Variants in TMEM240 observed in about 807,000 individuals in gnomAD.
TMEM240 encodes transmembrane protein C1orf70.
A neutral mutation model predicts 19.5 loss-of-function variants in TMEM240; 3 were observed. The observed-to-expected ratio is 0.15, with a 90% CI of 0.07 to 0.40. TMEM240 has a LOEUF of 0.40. TMEM240 is among the 10% of genes least tolerant of loss of function. TMEM240 has a pLI of 1.00. For missense variants in TMEM240, 210 were observed against 253.5 expected (o/e 0.83, Z 1.17); for synonymous variants, 123 against 109.3 (o/e 1.13, Z -0.78).
intron 2 of TMEM240, among the ~76,000 whole-genome samples, chr1:1,537,545 G>A (rs1203867288): frequency 6.6e-6 from 1 of 152,102 alleles, no homozygotes; most frequent in African/African-American, 2.4e-5. Flanking sequence ...CCTGCACCTG[G>A]CCCTCCTTCC....
At position 1,539,724 on chromosome 1, in the gene TMEM240, G is replaced by A. The variant is rs1642271740; in HGVS notation, c.124C>T (p.Leu42=). ...TGGCAGACGCGGTCCTCGCCCCGCA[G>A]GTGCGGGAGGATGTAGTTGTGGAAT... ...DRFHNYILPH[L]RGEDRVCHCN... The change falls in exon 2 of 4, where the codon CTG becomes TTG. Residue 42 remains leucine, a synonymous_variant. Coordinates refer to ENST00000378733, the MANE Select transcript of TMEM240 (RefSeq NM_001114748.2). 2 of 1,548,116 alleles carry A rather than the reference G, an allele frequency of 1.3e-6. No homozygotes were observed. The highest frequency in any genetic ancestry group is 1.7e-6 in the Non-Finnish European group (2 of 1,146,570).
rs1260302263 is a variant in TMEM240, at chr1:1,535,863, C to G, written c.165-66G>C. The G allele has an allele frequency of 1.4e-6, 2 of 1,429,756 alleles. No individual in the cohort carries two copies. Among genetic ancestry groups the G allele is most frequent in the African/African-American group, 2.8e-5 (2 of 70,332 alleles). The allele number at this position is 1,429,756 out of a possible 1,614,324, so 88.6% of individuals were successfully genotyped here. ...CCGGCCTGGCCTTCCCCCGGGGCGCCTACCCCGTGGTGGGGGTGTGACCGC... is the reference window on the plus strand; with the variant it reads ...CCGGCCTGGCCTTCCCCCGGGGCGCGTACCCCGTGGTGGGGGTGTGACCGC... On this transcript the variant is annotated intron_variant, in intron 2 of 3. Coordinates refer to ENST00000378733, the MANE Select transcript of TMEM240 (RefSeq NM_001114748.2). This position sits in a 1 kb window ranked among gnomAD's most constrained non-coding sequence, Gnocchi z 8.2.
In TMEM240 at chr1:1,540,285, C is replaced by A; in HGVS notation, c.57+5G>T. 7.5e-7 allele frequency: 1 copy of A among 1,337,264 alleles called. No individual in the cohort carries two copies. 82.8% of individuals were successfully genotyped at this position (1,337,264 alleles called of 1,614,324 possible). A position where few individuals can be genotyped will look rare whatever the true frequency, so the allele number is the denominator to read the frequency against. On this transcript the variant is annotated splice_donor_5th_base_variant and intron_variant, in intron 1 of 3. Coordinates refer to ENST00000378733, the MANE Select transcript of TMEM240 (RefSeq NM_001114748.2). Reference sequence around the variant, plus strand: ...GGGGCGCGCGCGGGAAGCCCCTCCGCTCACCATCACGACCGACGCCCCCAG... The same window carrying A: ...GGGGCGCGCGCGGGAAGCCCCTCCGATCACCATCACGACCGACGCCCCCAG...
intron 2 of TMEM240, among the ~76,000 whole-genome samples, chr1:1,537,123 G>T (rs541841577): frequency 2.6e-4 from 40 of 152,198 alleles, no homozygotes; most frequent in African/African-American, 8.7e-4. Flanking sequence ...AGATCTGGGG[G>T]GTCCTGGGGC....
intron 2 of TMEM240, among the ~76,000 whole-genome samples, chr1:1,538,342 C>T (rs912189973): frequency 1.3e-5 from 2 of 152,250 alleles, no homozygotes; most frequent in South Asian, 2.1e-4. Flanking sequence ...CGTGCACCCA[C>T]CCGAGTCCAC....
intron 1 of TMEM240, 33 bp downstream of exon 1, chr1:1,540,257 C>A (rs772920869): frequency 1.5e-6 from 2 of 1,298,160 alleles, no homozygotes; most frequent in Non-Finnish European, 9.8e-7. Context: ...GGGCGGGGAG[C>A]AGGGGGCGCG....
Position 1,539,730 on chromosome 1 carries a change from G to A in TMEM240, c.118C>T (p.Pro40Ser). Residue 40 changes from proline to serine, a missense_variant, in exon 2 of 4, where the codon CCG (proline) becomes TCG (serine). Pro to Ser is a moderately conservative substitution (Grantham distance 74). Transcript: ENST00000378733. ...LLDRFHNYILPHLRGEDRVCH... is the reference protein window; with the variant it reads ...LLDRFHNYILSHLRGEDRVCH... ...ACGCGGTCCTCGCCCCGCAGGTGCG[G>A]GAGGATGTAGTTGTGGAATCGGTCC... 1 of 1,548,226 alleles carries A rather than the reference G, an allele frequency of 6.5e-7. No individual in the cohort carries two copies. Among genetic ancestry groups the A allele is most frequent in the Non-Finnish European group, 8.7e-7 (1 of 1,146,554 alleles).
At chr1:1,538,366 A>G (rs1642253248) in intron 2 of TMEM240, among the ~76,000 whole-genome samples, 1 of 152,206 alleles carries the variant, frequency 6.6e-6, no homozygotes, top group African/African-American at 2.4e-5. Context: ...TGCTCTGGAC[A>G]CGGCATGAGC....
chr1:1,535,649 C>A lies in TMEM240; in HGVS notation c.313G>T (p.Val105Leu), dbSNP rs373327807. 3 of 1,549,928 alleles carry A rather than the reference C, an allele frequency of 1.9e-6. No individual in the cohort carries two copies. The African/African-American group carries it at 4.1e-5, about 21-fold the overall frequency. Residue 105 changes from valine to leucine, a missense_variant, in exon 3 of 4, where the codon GTG becomes TTG. By Grantham distance (32) the Val-to-Leu change is conservative. Coordinates refer to ENST00000378733, the MANE Select transcript of TMEM240 (RefSeq NM_001114748.2). This position sits in a 1 kb window ranked among gnomAD's most constrained non-coding sequence, Gnocchi z 8.2. The part of the protein sequence containing the change: ...LLGFCISWFL[V>L]WMDGVLHCAV... The stretch of plus-strand genomic sequence containing the variant: ...CAGTGCAGGACGCCGTCCATCCACA[C>A]CAGGAACCAGCTGATGCAAAAGCCC...
Position 1,535,551 on chromosome 1 carries a change from G to A in TMEM240, c.373+38C>T. 1 of 1,542,970 alleles carries A rather than the reference G, an allele frequency of 6.5e-7. No individual in the cohort carries two copies. Among genetic ancestry groups the A allele is most frequent in the Non-Finnish European group, 8.8e-7 (1 of 1,142,670 alleles). ...GGTCAGGCGGCTGGGGCCGGCCAGG[G>A]CGGCAGCACTCCCGGGCGGCGGGCA... is the stretch of plus-strand genomic sequence containing the variant. On this transcript the variant is annotated intron_variant, in intron 3 of 3. Transcript: ENST00000378733. This position sits in a 1 kb window ranked among gnomAD's most constrained non-coding sequence, Gnocchi z 8.2.
In TMEM240 at chr1:1,536,079, T is replaced by C. The variant is rs1642215362; in HGVS notation, c.165-282A>G. On this transcript the variant is annotated intron_variant, in intron 2 of 3. Transcript: ENST00000378733. This position sits in a 1 kb window ranked among gnomAD's most constrained non-coding sequence, Gnocchi z 5.4. Reference sequence around the variant, plus strand: ...TGCCGGCGAGGGTGTCGGCCCTCACTCAGCACCTCCTCCCTGAGGCCTGGA... The same window carrying C: ...TGCCGGCGAGGGTGTCGGCCCTCACCCAGCACCTCCTCCCTGAGGCCTGGA... 6.6e-6 allele frequency among the ~76,000 whole-genome samples: 1 copy of C among 152,008 alleles called. No individual in the cohort carries two copies.
rs1362073911 is a variant in TMEM240 at position 1,535,713 on chromosome 1, C to T, written c.249G>A (p.Val83=). ...ASENYFVTDS[V]TKQEIDLMLG... is the part of the protein sequence containing the mutation. ...GCATGAGGTCGATCTCCTGCTTGGT[C>T]ACACTGTCCGTCACAAAGTAGTTCT... The change falls in exon 3 of 4, where the codon GTG becomes GTA. Residue 83 remains valine (V), a synonymous_variant. Coordinates refer to ENST00000378733, the MANE Select transcript of TMEM240 (RefSeq NM_001114748.2). The surrounding 1 kb of genome is among the most constrained non-coding windows in gnomAD (Gnocchi z 8.2). 1.3e-6 allele frequency: 2 copies of T among 1,550,382 alleles called. No individual in the cohort carries two copies. Among genetic ancestry groups the T allele is most frequent in the Non-Finnish European group, 1.7e-6 (2 of 1,146,758 alleles).
At chr1:1,539,600 G>C (rs2100698942) in intron 2 of TMEM240, 84 bp downstream of exon 2, 1 of 1,233,074 alleles carries the variant, frequency 8.1e-7, no homozygotes, top group Non-Finnish European at 1.2e-6. Flanking sequence ...CGGCCTGCGT[G>C]GGGCTGGTTC....
At chr1:1,539,412 G>A in intron 2 of TMEM240, 1 of 501,954 alleles carries the variant, frequency 2.0e-6, no homozygotes, top group South Asian at 2.1e-5. Flanking sequence ...ATCACACTGG[G>A]CTGCGGCTTT....
chr1:1,535,906 G>GT lies in TMEM240; in HGVS notation c.165-110dup. ...GTGACCGCGTCAGGCCGCCCTGGGGGTTCTCTGAAGCAGCCTCTTGGGCGG... is the reference window on the plus strand; with the variant it reads ...GTGACCGCGTCAGGCCGCCCTGGGGGTTTCTCTGAAGCAGCCTCTTGGGCGG... On this transcript the variant is annotated intron_variant, in intron 2 of 3. Coordinates refer to ENST00000378733, the MANE Select transcript of TMEM240 (RefSeq NM_001114748.2). The surrounding 1 kb of genome is among the most constrained non-coding windows in gnomAD (Gnocchi z 8.2). 2.2e-6 allele frequency: 1 copy of GT among 464,398 alleles called. No individual in the cohort carries two copies. The highest frequency in any genetic ancestry group is 1.7e-5 in the South Asian group (1 of 59,180). 28.8% of individuals were successfully genotyped at this position (464,398 alleles called of 1,614,324 possible).
Position 1,535,242 on chromosome 1 carries a change from G to T in TMEM240, c.*117C>A. The T allele has an allele frequency of 9.6e-7, 1 of 1,045,468 alleles. No individual in the cohort carries two copies. 64.8% of individuals were successfully genotyped at this position (1,045,468 alleles called of 1,614,324 possible). On this transcript the variant is annotated 3_prime_UTR_variant, in exon 4 of 4. Transcript: ENST00000378733. This position sits in a 1 kb window ranked among gnomAD's most constrained non-coding sequence, Gnocchi z 8.2. The stretch of plus-strand genomic sequence containing the variant: ...GACTCTCCCGGCCGGCCACAGCCCC[G>T]GACAACCTGGGCCCAGGGCTGCTGT...
chr1:1,537,155 A>T (rs1352911606), intron 2 of TMEM240, among the ~76,000 whole-genome samples: 3 of 151,538 alleles, frequency 2.0e-5, no homozygotes, highest in Non-Finnish European at 4.4e-5. Flanking sequence ...AACAGGGAGG[A>T]GGTGTCCCCT....
At chr1:1,539,600 G>A in intron 2 of TMEM240, 84 bp downstream of exon 2, 8 of 1,233,074 alleles carry the variant, frequency 6.5e-6, no homozygotes, top group Middle Eastern at 2.7e-4. Flanking sequence ...CGGCCTGCGT[G>A]GGGCTGGTTC....
At position 1,536,008 on chromosome 1, in the gene TMEM240, G is replaced by A. The variant is rs942964342; in HGVS notation, c.165-211C>T. On this transcript the variant is annotated intron_variant, in intron 2 of 3. Transcript: ENST00000378733. The surrounding 1 kb of genome is among the most constrained non-coding windows in gnomAD (Gnocchi z 5.4). ...AGGGAGTGGGAGGTCAGTGGCCATGGGCTGTGGAGGCCGAGCGTGAAGTCC... is the reference window on the plus strand; with the variant it reads ...AGGGAGTGGGAGGTCAGTGGCCATGAGCTGTGGAGGCCGAGCGTGAAGTCC... Among the ~76,000 whole-genome samples, 4 of 152,122 alleles carry A rather than the reference G, an allele frequency of 2.6e-5. No homozygotes were observed. Among genetic ancestry groups the A allele is most frequent in the Non-Finnish European group, 5.9e-5 (4 of 68,002 alleles).
Sources: allele counts gnomAD v4.1 joint callset (sites outside exome capture counted in the v4.1 genomes callset), GRCh38; gene constraint gnomAD v4.1.1; non-coding constraint Gnocchi (gnomAD v3.1); transcripts MANE v1.5; gene names NCBI Gene and HGNC (gene_info 2026-07-23, HGNC 2026-07-21).